The following DTNB variants were observed in gnomAD, a reference collection of about 807,000 sequenced individuals.
DTNB encodes dystrobrevin beta.
DTNB carries 63 observed loss-of-function variants against 90.7 expected under a neutral mutation model. The observed-to-expected ratio is 0.69, with a 90% CI of 0.57 to 0.86. The LOEUF is 0.86. Among genes scored for constraint, DTNB ranks in the 40% least tolerant of loss-of-function variants. The probability of loss-of-function intolerance (pLI) is 0.00; values close to 1 mark genes in which losing one functional copy is unlikely to be tolerated. For synonymous variants in DTNB, 277 were observed against 286.7 expected (o/e 0.97, Z 0.34); for missense variants, 744 against 807.1 (o/e 0.92, Z 0.95).
chr2:25,668,171 A>G (rs893114770), intron 1 of DTNB, among the ~76,000 whole-genome samples: 6 of 152,160 alleles, frequency 3.9e-5, no homozygotes, highest in Non-Finnish European at 8.8e-5. Flanking sequence ...TCCGGGAGGC[A>G]GAGCTCGCAG....
chr2:25,545,379 AT>A (rs1046612665), intron 8 of DTNB, among the ~76,000 whole-genome samples: 8 of 152,022 alleles, frequency 5.3e-5, no homozygotes, highest in Non-Finnish European at 1.0e-4. Flanking sequence ...TGGGTTTGCA[AT>A]TTTTGGTAAT....
chr2:25,628,465 CT>C, intron 3 of DTNB, 81 bp from the exon 4 acceptor site: 1 of 1,320,300 alleles, frequency 7.6e-7, no homozygotes, highest in African/African-American at 1.5e-5. Context: ...AATTTATCAA[CT>C]AGTTCTTAAG....
At chr2:25,628,884 C>T (rs767443290) in intron 3 of DTNB, among the ~76,000 whole-genome samples, 5 of 152,300 alleles carry the variant, frequency 3.3e-5, no homozygotes, top group Non-Finnish European at 7.3e-5. Context: ...GAGCTCTGAA[C>T]AACTCATAGC....
chr2:25,521,863 T>C (rs1012352902), intron 9 of DTNB, among the ~76,000 whole-genome samples: 4 of 152,224 alleles, frequency 2.6e-5, no homozygotes, highest in African/African-American at 9.6e-5. Flanking sequence ...GAATCCCAGG[T>C]GTGTGCAGCG....
chr2:25,433,333 T>C (rs559625841), intron 13 of DTNB, among the ~76,000 whole-genome samples: 1 of 152,324 alleles, frequency 6.6e-6, no homozygotes, highest in Admixed American at 6.5e-5. Flanking sequence ...AACCTCCTAA[T>C]GCAGGTCCTG....
At chr2:25,600,928 G>A (rs2065744744) in intron 5 of DTNB, among the ~76,000 whole-genome samples, 1 of 152,174 alleles carries the variant, frequency 6.6e-6, no homozygotes, top group South Asian at 2.1e-4. Flanking sequence ...ATTACAATAA[G>A]AGAAGTGGAA....
chr2:25,653,432 TA>T (rs530329843), intron 1 of DTNB, among the ~76,000 whole-genome samples: 94 of 138,516 alleles, frequency 6.8e-4, no homozygotes, highest in African/African-American at 8.6e-4. Context: ...GTTTTTTTTT[TA>T]AAAAAAAAAA....
chr2:25,560,798 G>A (rs1047710893), intron 8 of DTNB, among the ~76,000 whole-genome samples: 1 of 152,220 alleles, frequency 6.6e-6, no homozygotes, highest in Admixed American at 6.5e-5. Context: ...AGCTTGCAGA[G>A]AGAGTGTGGC....
chr2:25,434,060 T>C (rs975019063), intron 12 of DTNB, 65 bp from the exon 13 acceptor site: 11 of 1,433,648 alleles, frequency 7.7e-6, no homozygotes, highest in East Asian at 2.3e-5. Context: ...GAGTTCTAGA[T>C]TGACTGATTT....
chr2:25,387,236 G>A lies in DTNB; in HGVS notation c.1825+53C>T. ...CGGTGCTGGCAAGGAAGTGAGAAGG[G>A]CGCGGGCAAGGCAGGGGAGGCCAGG... On this transcript the variant is annotated intron_variant, in intron 18 of 20. Transcript: ENST00000406818. This position sits in a 1 kb window ranked among gnomAD's most constrained non-coding sequence, Gnocchi z 4.5. 6 of 1,564,702 alleles carry A rather than the reference G, an allele frequency of 3.8e-6. No homozygotes were observed. The highest frequency in any genetic ancestry group is 5.2e-6 in the Non-Finnish European group (6 of 1,143,698).
intron 16 of DTNB, among the ~76,000 whole-genome samples, chr2:25,409,141 A>T (rs2045996860): frequency 1.3e-5 from 2 of 152,230 alleles, no homozygotes; most frequent in East Asian, 3.8e-4. Flanking sequence ...GGAAGAAGTT[A>T]TTGAAAGAAA....
intron 8 of DTNB, among the ~76,000 whole-genome samples, chr2:25,547,341 T>A (rs1228507918): frequency 3.3e-5 from 5 of 149,586 alleles, no homozygotes; most frequent in African/African-American, 1.2e-4. Context: ...TTTTTTTTTT[T>A]AAGATGGAGT....
chr2:25,547,322 CCTT>C lies in DTNB; in HGVS notation c.877-15728_877-15726del, dbSNP rs952343982. Among the ~76,000 whole-genome samples, 15 of 131,856 alleles carry C rather than the reference CCTT, an allele frequency of 1.1e-4. No homozygotes were observed. In the South Asian group the frequency reaches 2.8e-3, roughly 25 times the overall value. The allele number at this position is 131,856 out of a possible 152,430, so 86.5% of individuals were successfully genotyped here. A position where few individuals can be genotyped will look rare whatever the true frequency, so the allele number is the denominator to read the frequency against. ...AGTCATGCACCTGTATTCTTTCTTT[CCTT>C]TTTTTTTTTTTTTTTTAAGATGGAG... On this transcript the variant is annotated intron_variant, in intron 8 of 20. Transcript: ENST00000406818.
intron 4 of DTNB, among the ~76,000 whole-genome samples, chr2:25,608,206 A>G (rs1283930475): frequency 6.6e-6 from 1 of 152,244 alleles, no homozygotes; most frequent in Non-Finnish European, 1.5e-5. Context: ...ACACTTTTGC[A>G]ATAATGAGAG....
rs549385069 is a variant in DTNB at position 25,478,681 on chromosome 2, G to A, written c.1079+4115C>T. ...TCCTCTCTCTCTTCTTTTCTTGGCAGTATACTCTTCTTTGGGGGAAATGCT... is the reference window on the plus strand; with the variant it reads ...TCCTCTCTCTCTTCTTTTCTTGGCAATATACTCTTCTTTGGGGGAAATGCT... On this transcript the variant is annotated intron_variant, in intron 10 of 20. Coordinates refer to ENST00000406818, the MANE Select transcript of DTNB (RefSeq NM_021907.5). Among the ~76,000 whole-genome samples, 68 of 152,160 alleles carry A rather than the reference G, an allele frequency of 4.5e-4. 2 individuals are homozygous for A. The highest frequency in any genetic ancestry group is 9.2e-4 in the Admixed American group (14 of 15,274).
At chr2:25,504,901 A>C (rs1257926233) in intron 9 of DTNB, among the ~76,000 whole-genome samples, 1 of 149,694 alleles carries the variant, frequency 6.7e-6, no homozygotes, top group East Asian at 2.0e-4. Context: ...ATAGCCCAAA[A>C]AGCGTCTTCC....
At chr2:25,496,384 T>C (rs773505604) in intron 9 of DTNB, among the ~76,000 whole-genome samples, 3 of 152,328 alleles carry the variant, frequency 2.0e-5, no homozygotes, top group South Asian at 4.1e-4. Flanking sequence ...GCATCTTAAA[T>C]GCTTTAACAA....
At chr2:25,533,884 T>C (rs2078770430) in intron 8 of DTNB, among the ~76,000 whole-genome samples, 1 of 152,248 alleles carries the variant, frequency 6.6e-6, no homozygotes, top group Admixed American at 6.5e-5. Flanking sequence ...TGTACCTGTT[T>C]CCACTGTTGC....
At chr2:25,419,460 A>G (rs1326392767) in intron 16 of DTNB, 55 bp downstream of exon 16, 3 of 1,553,526 alleles carry the variant, frequency 1.9e-6, no homozygotes, top group Non-Finnish European at 1.7e-6. Context: ...ATATGAGGAA[A>G]GGAAGAACGT....
Sources: gnomAD v4.1 joint callset for allele counts (sites outside exome capture counted in the v4.1 genomes callset) on GRCh38, gnomAD v4.1.1 for gene constraint, Gnocchi (gnomAD v3.1) non-coding constraint, MANE v1.5 for transcripts, NCBI Gene and HGNC (gene_info 2026-07-23, HGNC 2026-07-21) for gene names.